SRGAP2B: variants seen among roughly 807,000 people sequenced by gnomAD.
SRGAP2B encodes the protein SLIT-ROBO Rho GTPase-activating protein 2B.
SRGAP2B carries 9 observed loss-of-function variants against 22.2 expected under a neutral mutation model. The ratio of observed to expected loss-of-function variants is 0.41; its 90% confidence interval spans 0.24 to 0.71. The LOEUF is 0.71. SRGAP2B is among the 30% of genes least tolerant of loss of function. The pLI, the probability that SRGAP2B is intolerant of heterozygous loss-of-function variation, is 0.35. For synonymous variants in SRGAP2B, 36 were observed against 87.4 expected, an observed-to-expected ratio of 0.41 and a Z score of 3.28; for missense variants, 114 against 235.8, an observed-to-expected ratio of 0.48 and a Z score of 3.38.
At chr1:144,984,546 C>T (rs1669578102) in intron 3 of SRGAP2B, among the ~76,000 whole-genome samples, 1 of 150,524 alleles carries the variant, frequency 6.6e-6, no homozygotes, top group South Asian at 2.1e-4. Context: ...AGGTGCTTTC[C>T]GTCTGTCTCT....
chr1:144,984,368 A>AAC (rs1390223607), intron 3 of SRGAP2B, among the ~76,000 whole-genome samples: 8,031 of 113,094 alleles, frequency 0.071, 378 homozygotes, highest in Middle Eastern at 0.15. Flanking sequence ...ACAACAACAA[A>AAC]AAAAAAAAAA....
At chr1:144,892,463 TG>T (rs1662180396) in intron 9 of SRGAP2B, 82 bp from the exon 10 acceptor site, 1 of 614,132 alleles carries the variant, frequency 1.6e-6, no homozygotes. Context: ...GAGAGTGGGC[TG>T]GGGAAGGCCA....
rs587771804 is a variant in SRGAP2B, at chr1:144,995,108, G to A, written c.160C>T (p.Arg54Ter). The A allele has an allele frequency of 2.7e-5, 39 of 1,424,402 alleles. No homozygotes were observed. In the East Asian group the frequency reaches 5.0e-4, roughly 18 times the overall value. 88.2% of individuals were successfully genotyped at this position (1,424,402 alleles called of 1,614,324 possible). ...TCCATCTCAATCTCTGCCTTCTTTC[G>A]GAAGAAGTCCTGGAGGTCCTGCAAC... Residue 54 changes from arginine (R) to a stop codon, truncating the protein, a stop_gained, in exon 3 of 10, where the codon CGA (arginine) becomes TGA (stop). Coordinates refer to ENST00000612199, the Ensembl canonical transcript of SRGAP2B. LOFTEE classifies it high-confidence loss of function.
chr1:144,990,798 T>C (rs1382764929), intron 3 of SRGAP2B, among the ~76,000 whole-genome samples: 7 of 151,272 alleles, frequency 4.6e-5, no homozygotes, highest in East Asian at 1.9e-4. Flanking sequence ...CCCGGGCCAG[T>C]GGCTGCGGAG....
At chr1:145,041,070 A>G (rs1403227119) in intron 2 of SRGAP2B, among the ~76,000 whole-genome samples, 72 of 89,434 alleles carry the variant, frequency 8.1e-4, no homozygotes, top group Admixed American at 1.2e-3. Context: ...GCATGTATAT[A>G]TATAGTATAT....
chr1:144,906,430 AC>A (rs1453349872), intron 5 of SRGAP2B, among the ~76,000 whole-genome samples: 2 of 146,934 alleles, frequency 1.4e-5, no homozygotes, highest in East Asian at 4.0e-4. Context: ...GGGAAACAAC[AC>A]CACCACTCTC....
intron 3 of SRGAP2B, among the ~76,000 whole-genome samples, chr1:144,969,099 C>T: frequency 1.4e-5 from 1 of 69,348 alleles, no homozygotes; most frequent in Non-Finnish European, 2.5e-5. Flanking sequence ...ATGCCATCCC[C>T]ATCAAGCTAC....
At chr1:145,022,990 C>G (rs1473385357) in intron 2 of SRGAP2B, among the ~76,000 whole-genome samples, 1 of 149,610 alleles carries the variant, frequency 6.7e-6, no homozygotes, top group African/African-American at 2.5e-5. Context: ...TGTGGTGAAG[C>G]CCCGTCTCTA....
At chr1:145,088,629 GC>G (rs1653656612) in intron 2 of SRGAP2B, among the ~76,000 whole-genome samples, 1 of 129,002 alleles carries the variant, frequency 7.8e-6, no homozygotes, top group Non-Finnish European at 1.7e-5. Context: ...AAGGAAAGGG[GC>G]CTTAAATAAG....
chr1:145,045,009 CT>C (rs1553628355), intron 2 of SRGAP2B, among the ~76,000 whole-genome samples: 1 of 148,852 alleles, frequency 6.7e-6, no homozygotes, highest in Non-Finnish European at 1.5e-5. Context: ...AAAATGGAGC[CT>C]TTGTCTATTT....
At chr1:145,036,334 C>A (rs1346629050) in intron 2 of SRGAP2B, among the ~76,000 whole-genome samples, 1 of 146,294 alleles carries the variant, frequency 6.8e-6, no homozygotes, top group Non-Finnish European at 1.5e-5. Context: ...CTTCCCAACC[C>A]TAAAGGCAGC....
intron 2 of SRGAP2B, among the ~76,000 whole-genome samples, chr1:145,064,530 T>C (rs1553632021): frequency 7.0e-6 from 1 of 143,420 alleles, no homozygotes; most frequent in African/African-American, 2.8e-5. Context: ...AGGAGAAACC[T>C]GAAGCTCAAG....
At chr1:145,017,485 A>C (rs1353360608) in intron 2 of SRGAP2B, among the ~76,000 whole-genome samples, 1 of 150,158 alleles carries the variant, frequency 6.7e-6, no homozygotes, top group Non-Finnish European at 1.5e-5. Flanking sequence ...ATTTTAGAAA[A>C]AAAAAACCCG....
At chr1:144,992,913 C>T (rs1295180977) in intron 3 of SRGAP2B, among the ~76,000 whole-genome samples, 4 of 151,320 alleles carry the variant, frequency 2.6e-5, no homozygotes, top group African/African-American at 9.8e-5. Context: ...GAGAAGATAA[C>T]AGAAGGTAGA....
At chr1:145,044,698 A>ACT (rs1649570565) in intron 2 of SRGAP2B, among the ~76,000 whole-genome samples, 1 of 128,320 alleles carries the variant, frequency 7.8e-6, no homozygotes, top group African/African-American at 3.0e-5. Flanking sequence ...AAAAAAAAAA[A>ACT]AACAGAAAAA....
chr1:144,939,393 C>T (rs587725916), intron 4 of SRGAP2B, among the ~76,000 whole-genome samples: 12 of 150,674 alleles, frequency 8.0e-5, no homozygotes, highest in African/African-American at 3.0e-4. Context: ...TGAAGCTCTC[C>T]TGACTTACTT....
chr1:145,044,690 A>AC, intron 2 of SRGAP2B, among the ~76,000 whole-genome samples: 1 of 138,218 alleles, frequency 7.2e-6, no homozygotes, highest in African/African-American at 2.7e-5. Context: ...AAAAAAAAAA[A>AC]AAAAAAAAAA....
rs1347932998 is a variant in SRGAP2B at position 144,909,077 on chromosome 1, C to A, written c.487-3003G>T. 5.0e-3 allele frequency among the ~76,000 whole-genome samples: 736 copies of A among 147,308 alleles called. 39 individuals are homozygous for A. The highest frequency in any genetic ancestry group is 0.038 in the South Asian group (177 of 4,660). On this transcript the variant is annotated intron_variant, in intron 5 of 9. Transcript: ENST00000612199. Reference sequence around the variant, plus strand: ...CTAAAATAATAGGAAAAAAAAGGTTCTAAAATGATTATCATTTAGGTATAA... The same window carrying A: ...CTAAAATAATAGGAAAAAAAAGGTTATAAAATGATTATCATTTAGGTATAA...
At chr1:145,093,912 T>C (rs1654203371) in intron 1 of SRGAP2B, among the ~76,000 whole-genome samples, 1 of 148,278 alleles carries the variant, frequency 6.7e-6, no homozygotes, top group African/African-American at 2.6e-5. Context: ...CCCAGTTGTT[T>C]TGTTTTTGGT....
Sources: gnomAD v4.1 joint callset for allele counts (sites outside exome capture counted in the v4.1 genomes callset) on GRCh38, gnomAD v4.1.1 for gene constraint, MANE v1.5 for transcripts, NCBI Gene and HGNC (gene_info 2026-07-23, HGNC 2026-07-21) for gene names.